Variants in MPP7 observed in about 807,000 individuals in gnomAD.
MPP7 encodes MAGUK p55 scaffold protein 7, also known as MAGUK p55 subfamily member 7.
Under a neutral mutation model 76.5 loss-of-function variants are expected in MPP7, and 60 were observed. The ratio of observed to expected loss-of-function variants is 0.78; its 90% confidence interval spans 0.64 to 0.97. MPP7 has a LOEUF of 0.97. Among genes scored for constraint, MPP7 ranks in the 50% least tolerant of loss-of-function variants. The pLI is 0.00. For synonymous variants in MPP7, 237 were observed against 244.5 expected (o/e 0.97, Z 0.29); for missense variants, 641 against 694.0 (o/e 0.92, Z 0.86).
intron 1 of MPP7, among the ~76,000 whole-genome samples, chr10:28,268,191 A>G (rs1840206922): frequency 6.6e-6 from 1 of 152,182 alleles, no homozygotes; most frequent in Non-Finnish European, 1.5e-5. Flanking sequence ...TCAGCCCTGA[A>G]TCACTGTGGG....
intron 2 of MPP7, among the ~76,000 whole-genome samples, chr10:28,225,571 T>G (rs184691769): frequency 6.6e-6 from 1 of 152,342 alleles, no homozygotes; most frequent in East Asian, 1.9e-4. Context: ...CTGCACAGTG[T>G]CATTAGTCAT....
Position 28,107,964 on chromosome 10 carries a change from T to G in MPP7, c.952+11687A>C, listed in dbSNP as rs570708033. Among the ~76,000 whole-genome samples, 3 of 152,344 alleles carry G rather than the reference T, an allele frequency of 2.0e-5. No homozygotes were observed. In the East Asian group the frequency reaches 5.8e-4, roughly 29 times the overall value. ...GAATACAATTTTAATAAAATCTCTCTCATCATCCAATTCTTACTTAGTAGA... is the reference window on the plus strand; with the variant it reads ...GAATACAATTTTAATAAAATCTCTCGCATCATCCAATTCTTACTTAGTAGA... On this transcript the variant is annotated intron_variant, in intron 11 of 16. Transcript: ENST00000683449.
chr10:28,072,672 T>C (rs1852293877), intron 12 of MPP7, among the ~76,000 whole-genome samples: 1 of 152,208 alleles, frequency 6.6e-6, no homozygotes, highest in Admixed American at 6.5e-5. Flanking sequence ...TCTGACTTCC[T>C]GATCTCTGGT....
chr10:28,128,177 C>T (rs1469234355), intron 6 of MPP7, among the ~76,000 whole-genome samples: 1 of 152,136 alleles, frequency 6.6e-6, no homozygotes, highest in Non-Finnish European at 1.5e-5. Flanking sequence ...GACCACTCCA[C>T]CCACTGTGCT....
intron 1 of MPP7, among the ~76,000 whole-genome samples, chr10:28,258,708 T>C (rs1465249193): frequency 6.6e-6 from 1 of 151,956 alleles, no homozygotes; most frequent in Non-Finnish European, 1.5e-5. Flanking sequence ...CCTAAATATA[T>C]ATTTAAATAA....
intron 3 of MPP7, among the ~76,000 whole-genome samples, chr10:28,168,186 G>C (rs1372178684): frequency 2.6e-5 from 4 of 151,996 alleles, no homozygotes; most frequent in Non-Finnish European, 4.4e-5. Flanking sequence ...AGTGAACCTA[G>C]ATCACACCAC....
chr10:28,204,768 G>A (rs543739762), intron 2 of MPP7, among the ~76,000 whole-genome samples: 1 of 152,296 alleles, frequency 6.6e-6, no homozygotes, highest in Non-Finnish European at 1.5e-5. Context: ...CACAGCGTAG[G>A]CAGTCCGTTG....
chr10:28,087,348 G>A (rs866775546), intron 12 of MPP7, among the ~76,000 whole-genome samples: 17 of 152,010 alleles, frequency 1.1e-4, no homozygotes, highest in Admixed American at 4.6e-4. Context: ...CCAATCTCAG[G>A]TATTCCTTTA....
At chr10:28,242,355 T>TA (rs1318488645) in intron 1 of MPP7, among the ~76,000 whole-genome samples, 3 of 152,168 alleles carry the variant, frequency 2.0e-5, no homozygotes, top group African/African-American at 7.2e-5. Flanking sequence ...GTAAACTTTT[T>TA]AAAAAAAAAT....
At chr10:28,142,358 G>A (rs974618440) in intron 5 of MPP7, among the ~76,000 whole-genome samples, 3 of 152,118 alleles carry the variant, frequency 2.0e-5, no homozygotes, top group African/African-American at 7.2e-5. Flanking sequence ...ATGAAAGCCT[G>A]CTATACACCT....
intron 2 of MPP7, among the ~76,000 whole-genome samples, chr10:28,220,916 C>G (rs1325807082): frequency 6.6e-6 from 1 of 152,162 alleles, no homozygotes. Context: ...ATCATATCCT[C>G]TTAGAGGCTT....
chr10:28,195,472 T>A (rs1013535877), intron 3 of MPP7, among the ~76,000 whole-genome samples: 13 of 152,162 alleles, frequency 8.5e-5, no homozygotes, highest in Non-Finnish European at 1.9e-4. Context: ...TAACAGCCAA[T>A]AGGCAGAAAC....
Position 28,245,657 on chromosome 10 carries a change from T to C in MPP7, c.-131-6922A>G, listed in dbSNP as rs905701521. On this transcript the variant is annotated intron_variant, in intron 1 of 16. Coordinates refer to ENST00000683449, the MANE Select transcript of MPP7 (RefSeq NM_001318170.2). The stretch of plus-strand genomic sequence containing the variant: ...GCCAATCAACAGATGGCCGCTTTTA[T>C]CACATTTTTTTTTTCAAGACAGAGT... Among the ~76,000 whole-genome samples, 9 of 144,486 alleles carry C rather than the reference T, an allele frequency of 6.2e-5. No homozygotes were observed. The East Asian group carries it at 1.1e-3, about 17-fold the overall frequency. The allele number at this position is 144,486 out of a possible 152,430, so 94.8% of individuals were successfully genotyped here. A position where few individuals can be genotyped will look rare whatever the true frequency, so the allele number is the denominator to read the frequency against.
rs74520990 is a variant in MPP7, at chr10:28,162,789, C to G, written c.157-12730G>C. 5.9e-3 allele frequency among the ~76,000 whole-genome samples: 891 copies of G among 152,276 alleles called. 10 individuals carry two copies. Among genetic ancestry groups the G allele is most frequent in the African/African-American group, 0.02 (813 of 41,556 alleles). On this transcript the variant is annotated intron_variant, in intron 3 of 16. Coordinates refer to ENST00000683449, the MANE Select transcript of MPP7 (RefSeq NM_001318170.2). ...AGTGATGGGAGGTCCCTCCTGAGAT[C>G]AGGTTATAAAACACCGTGACTTTTG...
At chr10:28,109,557 T>C (rs967614552) in intron 11 of MPP7, among the ~76,000 whole-genome samples, 1 of 151,910 alleles carries the variant, frequency 6.6e-6, no homozygotes, top group Non-Finnish European at 1.5e-5. Flanking sequence ...CAAAGCACAC[T>C]AGGAAACCCT....
At chr10:28,219,977 T>G (rs1330718225) in intron 2 of MPP7, among the ~76,000 whole-genome samples, 3 of 152,100 alleles carry the variant, frequency 2.0e-5, no homozygotes. Flanking sequence ...AGAGGCAATC[T>G]CTTTCTCACA....
At chr10:28,314,876 A>T (rs1433581953) in intron 2 of MPP7, among the ~76,000 whole-genome samples, 1 of 152,176 alleles carries the variant, frequency 6.6e-6, no homozygotes, top group Non-Finnish European at 1.5e-5. Context: ...GGCCGGACAC[A>T]GTGGCTCACA....
intron 3 of MPP7, among the ~76,000 whole-genome samples, chr10:28,153,046 GAGT>G (rs1835933880): frequency 6.6e-6 from 1 of 152,136 alleles, no homozygotes; most frequent in African/African-American, 2.4e-5. Context: ...TTGAGGTCAG[GAGT>G]ACAAGACCAG....
chr10:28,169,894 T>C (rs1479871088), intron 3 of MPP7, among the ~76,000 whole-genome samples: 1 of 152,224 alleles, frequency 6.6e-6, no homozygotes, highest in Non-Finnish European at 1.5e-5. Context: ...TGTTTCTTTC[T>C]TTCTAATCCT....
Sources: allele counts gnomAD v4.1 joint callset (sites outside exome capture counted in the v4.1 genomes callset), GRCh38; gene constraint gnomAD v4.1.1; transcripts MANE v1.5; gene names NCBI Gene and HGNC (gene_info 2026-07-23, HGNC 2026-07-21).